The following TULP3 variants were observed in gnomAD, a reference collection of about 807,000 sequenced individuals.
TULP3 encodes the protein tubby-related protein 3.
A neutral mutation model predicts 50.7 loss-of-function variants in TULP3; 38 were observed. That is an observed-to-expected ratio of 0.75 (90% CI 0.58 to 0.98). TULP3 has a LOEUF of 0.98. Among genes scored for constraint, TULP3 ranks in the 50% least tolerant of loss-of-function variants. The pLI is 0.00. For missense variants in TULP3, 550 were observed against 568.0 expected, an observed-to-expected ratio of 0.97 and a Z score of 0.32; for synonymous variants, 183 against 196.6, an observed-to-expected ratio of 0.93 and a Z score of 0.58.
At chr12:2,928,540 A>G (rs909986233) in intron 4 of TULP3, among the ~76,000 whole-genome samples, 3 of 151,512 alleles carry the variant, frequency 2.0e-5, no homozygotes, top group African/African-American at 7.3e-5. Context: ...CAAAAAAAAT[A>G]AATAAATAAA....
chr12:2,938,014 G>A (rs1361988525), intron 9 of TULP3, 100 bp from the exon 10 acceptor site: 1 of 1,355,640 alleles, frequency 7.4e-7, no homozygotes, highest in Non-Finnish European at 1.0e-6. Flanking sequence ...TTCGCTTCTG[G>A]TTTACCCTTT....
intron 1 of TULP3, among the ~76,000 whole-genome samples, chr12:2,896,536 C>T (rs1048221887): frequency 7.9e-5 from 12 of 152,168 alleles, no homozygotes; most frequent in African/African-American, 2.7e-4. Flanking sequence ...TTTCGCTGAT[C>T]AGCTGTTTGA....
intron 2 of TULP3, among the ~76,000 whole-genome samples, chr12:2,914,383 C>T (rs1026340927): frequency 6.6e-6 from 1 of 152,102 alleles, no homozygotes; most frequent in Admixed American, 6.6e-5. Context: ...CTCAGCCTCC[C>T]AAAGTGCTGG....
At chr12:2,903,652 T>C (rs1266625299) in intron 1 of TULP3, among the ~76,000 whole-genome samples, 1 of 152,162 alleles carries the variant, frequency 6.6e-6, no homozygotes, top group East Asian at 1.9e-4. Context: ...TTCACCTAGA[T>C]TCATCACTAA....
intron 6 of TULP3, among the ~76,000 whole-genome samples, chr12:2,931,937 G>T (rs2098198311): frequency 6.6e-6 from 1 of 152,096 alleles, no homozygotes; most frequent in South Asian, 2.1e-4. Flanking sequence ...GGTAACTGGG[G>T]CTTAGGGAGT....
rs138018559 is a variant in TULP3, at chr12:2,913,201, T to TTGTGTGTGTG, written c.93+3633_93+3642dup. On this transcript the variant is annotated intron_variant, in intron 2 of 10. Transcript: ENST00000448120. ...ACCCTAATGACTAATTATGTTGAGT[T>TTGTGTGTGTG]TGTGTGTGTGTGTGTGTGTGTATGT... is the stretch of plus-strand genomic sequence containing the variant. Among the ~76,000 whole-genome samples, 462 of 146,552 alleles carry TTGTGTGTGTG rather than the reference T, an allele frequency of 3.2e-3. 1 individual carries two copies. Among genetic ancestry groups the TTGTGTGTGTG allele is most frequent in the Middle Eastern group, 0.024 (7 of 288 alleles).
At chr12:2,905,246 C>T (rs868457179) in intron 1 of TULP3, among the ~76,000 whole-genome samples, 4 of 146,378 alleles carry the variant, frequency 2.7e-5, no homozygotes, top group Admixed American at 1.4e-4. Context: ...AGTGCAGTGG[C>T]GTGATCTTGG....
At chr12:2,919,136 C>T (rs1001991560) in intron 2 of TULP3, among the ~76,000 whole-genome samples, 3 of 151,420 alleles carry the variant, frequency 2.0e-5, no homozygotes, top group African/African-American at 7.3e-5. Context: ...AAGTGATCCA[C>T]CTGACTCTGC....
At chr12:2,913,859 T>G (rs903024701) in intron 2 of TULP3, among the ~76,000 whole-genome samples, 1 of 152,188 alleles carries the variant, frequency 6.6e-6, no homozygotes, top group Non-Finnish European at 1.5e-5. Flanking sequence ...TCCGCCTGCC[T>G]CGGCCTCCCA....
intron 8 of TULP3, among the ~76,000 whole-genome samples, chr12:2,936,030 G>A (rs921904495): frequency 6.6e-6 from 1 of 152,098 alleles, no homozygotes; most frequent in Admixed American, 6.5e-5. Flanking sequence ...ACTTTGGGAG[G>A]CCGAGGCCGG....
At chr12:2,906,563 A>T (rs538083650) in intron 1 of TULP3, among the ~76,000 whole-genome samples, 8 of 151,026 alleles carry the variant, frequency 5.3e-5, no homozygotes, top group African/African-American at 1.9e-4. Flanking sequence ...TTCTGGGCTC[A>T]GGCAATCCAC....
At chr12:2,893,581 A>G (rs1057511610) in intron 1 of TULP3, among the ~76,000 whole-genome samples, 9 of 151,930 alleles carry the variant, frequency 5.9e-5, no homozygotes, top group Non-Finnish European at 1.2e-4. Flanking sequence ...TCGGCCTCCC[A>G]AAGTGCTGGG....
At chr12:2,892,851 ATTTTC>A (rs939171852) in intron 1 of TULP3, among the ~76,000 whole-genome samples, 34 of 142,578 alleles carry the variant, frequency 2.4e-4, no homozygotes, top group African/African-American at 8.7e-4. Flanking sequence ...TTTAAATTTT[ATTTTC>A]TTTTCTTTTA....
At chr12:2,899,893 A>G (rs2098177960) in intron 1 of TULP3, among the ~76,000 whole-genome samples, 1 of 91,138 alleles carries the variant, frequency 1.1e-5, no homozygotes, top group African/African-American at 5.7e-5. Context: ...ACTCCGTCTC[A>G]AAAAAAAAAC....
rs1555113034 is a variant in TULP3, at chr12:2,913,223, A to ATG, written c.93+3656_93+3657dup. On this transcript the variant is annotated intron_variant, in intron 2 of 10. Transcript: ENST00000448120. ...AGTTTGTGTGTGTGTGTGTGTGTGT[A>ATG]TGTGTGTGTGTGTGGTGGCCTTTTA... 2.5e-4 allele frequency among the ~76,000 whole-genome samples: 36 copies of ATG among 144,874 alleles called. 1 individual carries two copies. The South Asian group carries it at 3.9e-3, about 16-fold the overall frequency.
In TULP3 at chr12:2,940,550, A is replaced by G; in HGVS notation, c.*1106A>G. The G allele has an allele frequency of 6.4e-7, 1 of 1,550,944 alleles. No homozygotes were observed. The highest frequency in any genetic ancestry group is 1.2e-5 in the South Asian group (1 of 83,938). On this transcript the variant is annotated 3_prime_UTR_variant, in exon 11 of 11. Coordinates refer to ENST00000448120, the MANE Select transcript of TULP3 (RefSeq NM_003324.5). ...CCCAGAATGTATCCAAACCTTGAGA[A>G]TGCAGGAGCTCTGTGAGCTCCACCG... is the stretch of plus-strand genomic sequence containing the variant.
intron 4 of TULP3, among the ~76,000 whole-genome samples, chr12:2,925,677 A>T (rs531220549): frequency 2.6e-5 from 4 of 152,182 alleles, no homozygotes; most frequent in Non-Finnish European, 5.9e-5. Context: ...TACTACCACT[A>T]TTTTTACAAC....
chr12:2,937,986 C>T (rs2098202457), intron 9 of TULP3, 128 bp from the exon 10 acceptor site: 1 of 1,094,550 alleles, frequency 9.1e-7, no homozygotes, highest in African/African-American at 1.6e-5. Flanking sequence ...AACCTGTCTT[C>T]ATTGTTGGCT....
chr12:2,895,844 A>C (rs1388605825), intron 1 of TULP3, among the ~76,000 whole-genome samples: 1 of 152,184 alleles, frequency 6.6e-6, no homozygotes, highest in Non-Finnish European at 1.5e-5. Context: ...CCTAGGCTAC[A>C]AAGCTATACA....
Sources: gnomAD v4.1 joint callset for allele counts (sites outside exome capture counted in the v4.1 genomes callset) on GRCh38, gnomAD v4.1.1 for gene constraint, MANE v1.5 for transcripts, NCBI Gene and HGNC (gene_info 2026-07-23, HGNC 2026-07-21) for gene names.